The following CDH17 variants were observed in gnomAD, a reference collection of about 807,000 sequenced individuals.
The protein encoded by CDH17 is cadherin 17, also known as cadherin-17.
A neutral mutation model predicts 86.3 loss-of-function variants in CDH17; 67 were observed. The observed-to-expected ratio is 0.78, with a 90% CI of 0.64 to 0.95. The LOEUF is 0.95. CDH17 is among the 40% of genes least tolerant of loss of function. The pLI is 0.00. For synonymous variants in CDH17, 367 were observed against 366.4 expected (o/e 1.00, Z -0.02); for missense variants, 993 against 1,017.6 (o/e 0.98, Z 0.33).
At chr8:94,212,261 T>C (rs956874840), upstream of CDH17, among the ~76,000 whole-genome samples, 1 of 152,150 alleles carries the variant, frequency 6.6e-6, no homozygotes, top group Non-Finnish European at 1.5e-5. Flanking sequence ...GCTCAAGCCA[T>C]CCTCCCACCT....
chr8:94,170,627 C>A, intron 8 of CDH17, 80 bp from the exon 9 acceptor site: 1 of 1,496,220 alleles, frequency 6.7e-7, no homozygotes, highest in Non-Finnish European at 9.1e-7. Context: ...TGTTTCATTT[C>A]TATGTCATTT....
At chr8:94,162,679 C>T (rs956045773) in intron 10 of CDH17, among the ~76,000 whole-genome samples, 2 of 152,146 alleles carry the variant, frequency 1.3e-5, no homozygotes, top group African/African-American at 2.4e-5. Context: ...CCACCATTGG[C>T]CTGTTCACAA....
chr8:94,184,975 T>G (rs1206370800), intron 3 of CDH17, among the ~76,000 whole-genome samples: 1 of 152,094 alleles, frequency 6.6e-6, no homozygotes, highest in Non-Finnish European at 1.5e-5. Flanking sequence ...ACCTACCTCC[T>G]CCCCACCACT....
Position 94,144,724 on chromosome 8 carries a change from A to G in CDH17, c.2167+1204T>C, listed in dbSNP as rs903887349. 2.6e-4 allele frequency among the ~76,000 whole-genome samples: 39 copies of G among 152,202 alleles called. 1 individual carries two copies. Among genetic ancestry groups the G allele is most frequent in the Admixed American group, 2.6e-3 (39 of 15,270 alleles). On this transcript the variant is annotated intron_variant, in intron 15 of 17. Coordinates refer to ENST00000027335, the MANE Select transcript of CDH17 (RefSeq NM_004063.4). ...TTTAAAAGACTTGCAAAATGAAAAG[A>G]CAAGCCATGGCCTGGGAGAAAATAT... is the stretch of plus-strand genomic sequence containing the variant.
chr8:94,162,613 C>A (rs774044675), intron 10 of CDH17, among the ~76,000 whole-genome samples: 6 of 152,212 alleles, frequency 3.9e-5, no homozygotes, highest in Non-Finnish European at 8.8e-5. Context: ...GCTCTGACTA[C>A]TATGATGGTG....
intron 2 of CDH17, among the ~76,000 whole-genome samples, chr8:94,192,582 C>T (rs1813708797): frequency 6.6e-6 from 1 of 152,162 alleles, no homozygotes; most frequent in Non-Finnish European, 1.5e-5. Context: ...AACTCTTAAC[C>T]ACATTGTTAC....
rs1813317505 is a variant in CDH17, at chr8:94,173,860, TTTCCAAATA to T, written c.711_719del (p.Asn237_Trp239del). 6 of 1,613,966 alleles carry T rather than the reference TTTCCAAATA, an allele frequency of 3.7e-6. No individual in the cohort carries two copies. In the East Asian group the frequency reaches 1.3e-4, roughly 36 times the overall value. On this transcript the variant is annotated inframe_deletion, in exon 7 of 18. Coordinates refer to ENST00000027335, the MANE Select transcript of CDH17 (RefSeq NM_004063.4). ...CCACCATCTCCACAGGTTTTGGTGC[TTTCCAAATA>T]TTCTCTGTCACTATGATATCCACAG...
intron 4 of CDH17, among the ~76,000 whole-genome samples, chr8:94,177,320 G>T (rs1479953291): frequency 2.0e-5 from 3 of 152,148 alleles, no homozygotes; most frequent in African/African-American, 7.2e-5. Flanking sequence ...CCTAAGCATG[G>T]TCTTACTTGG....
chr8:94,172,273 G>A (rs1237745492), intron 7 of CDH17, among the ~76,000 whole-genome samples: 2 of 151,782 alleles, frequency 1.3e-5, no homozygotes, highest in African/African-American at 4.8e-5. Flanking sequence ...GTGCTGACAT[G>A]CTTTCTTTCT....
In CDH17 at chr8:94,146,054, T is replaced by G; in HGVS notation, c.2041A>C (p.Ser681Arg). The G allele has an allele frequency of 1.9e-6, 3 of 1,613,824 alleles. No homozygotes were observed. The highest frequency in any genetic ancestry group is 2.5e-6 in the Non-Finnish European group (3 of 1,179,906). Residue 681 changes from serine to arginine, a missense_variant, in exon 15 of 18, where the codon AGT becomes CGT. Transcript: ENST00000027335. ...TCGAAAATGAGACTTCCAGGTGCACTGAGGGGATGGCAGAAGAACAAGCCC... is the reference window on the plus strand; with the variant it reads ...TCGAAAATGAGACTTCCAGGTGCACGGAGGGGATGGCAGAAGAACAAGCCC... Reference protein sequence around the residue: ...YTGLFFCHPLSAPGSLIFEAT... With the variant: ...YTGLFFCHPLRAPGSLIFEAT...
intron 9 of CDH17, among the ~76,000 whole-genome samples, chr8:94,166,952 G>A (rs757371224): frequency 1.3e-5 from 2 of 152,154 alleles, no homozygotes; most frequent in Admixed American, 6.5e-5. Flanking sequence ...GTCTAGGAGA[G>A]AAAAGATTTC....
intron 1 of CDH17, among the ~76,000 whole-genome samples, chr8:94,204,499 G>T (rs1813986033): frequency 6.6e-6 from 1 of 152,144 alleles, no homozygotes; most frequent in African/African-American, 2.4e-5. Flanking sequence ...TGGCTGCATA[G>T]TATTCCATGG....
intron 15 of CDH17, among the ~76,000 whole-genome samples, chr8:94,136,327 A>G (rs947540214): frequency 6.6e-6 from 1 of 152,056 alleles, no homozygotes; most frequent in Non-Finnish European, 1.5e-5. Context: ...ACATAGTCCC[A>G]TATTTCTTGG....
intron 5 of CDH17, among the ~76,000 whole-genome samples, chr8:94,175,036 T>C (rs1219221271): frequency 6.6e-6 from 1 of 152,194 alleles, no homozygotes; most frequent in Non-Finnish European, 1.5e-5. Context: ...AAATTTTGTG[T>C]GTCAATTATT....
intron 1 of CDH17, among the ~76,000 whole-genome samples, chr8:94,206,588 A>G (rs1020550116): frequency 2.0e-5 from 3 of 151,836 alleles, no homozygotes; most frequent in African/African-American, 4.8e-5. Flanking sequence ...TTTTTTGACA[A>G]TGGAACGAGA....
intron 15 of CDH17, among the ~76,000 whole-genome samples, chr8:94,134,395 T>C (rs960670253): frequency 1.3e-5 from 2 of 152,220 alleles, no homozygotes; most frequent in African/African-American, 2.4e-5. Context: ...AGGGTGTATG[T>C]GTCCAGGAAT....
At position 94,160,085 on chromosome 8, in the gene CDH17, C is replaced by T. The variant is rs760710672; in HGVS notation, c.1437G>A (p.Glu479=). The change falls in exon 12 of 18, where the codon GAG becomes GAA. Residue 479 remains glutamate, a synonymous_variant. Transcript: ENST00000027335. ...ILTIQATDAD[E]PFTGSSKILY... is the part of the protein sequence containing the mutation. Reference sequence around the variant, plus strand: ...GAATTTTAGAACTCCCAGTAAATGGCTCATCAGCATCAGTGGCCTGGATGG... The same window carrying T: ...GAATTTTAGAACTCCCAGTAAATGGTTCATCAGCATCAGTGGCCTGGATGG... 1.2e-6 allele frequency: 2 copies of T among 1,613,944 alleles called. No homozygotes were observed. Among genetic ancestry groups the T allele is most frequent in the Non-Finnish European group, 1.7e-6 (2 of 1,179,884 alleles).
chr8:94,174,982 A>T (rs1041015201), intron 5 of CDH17, among the ~76,000 whole-genome samples: 5 of 152,186 alleles, frequency 3.3e-5, no homozygotes, highest in Admixed American at 2.6e-4. Context: ...ATAACCAGTG[A>T]TGTACTAGAG....
At chr8:94,176,077 G>A (rs1397303205) in intron 5 of CDH17, among the ~76,000 whole-genome samples, 1 of 152,048 alleles carries the variant, frequency 6.6e-6, no homozygotes, top group African/African-American at 2.4e-5. Context: ...TGTAGAGACA[G>A]GATCTCACTT....
Sources: allele counts gnomAD v4.1 joint callset (sites outside exome capture counted in the v4.1 genomes callset), GRCh38; gene constraint gnomAD v4.1.1; transcripts MANE v1.5; gene names NCBI Gene and HGNC (gene_info 2026-07-23, HGNC 2026-07-21).